The following TSPAN15 variants were observed in gnomAD, a reference collection of about 807,000 sequenced individuals.
TSPAN15 encodes tetraspanin 15.
Under a neutral mutation model 34.5 loss-of-function variants are expected in TSPAN15, and 20 were observed. That is an observed-to-expected ratio of 0.58 (90% CI 0.41 to 0.84). The LOEUF is 0.84. Ranked by LOEUF, TSPAN15 falls within the 40% of genes least tolerant of loss-of-function variation. The probability of loss-of-function intolerance (pLI) is 0.00; values close to 1 mark genes in which losing one functional copy is unlikely to be tolerated. For synonymous variants in TSPAN15, 155 were observed against 153.9 expected, an observed-to-expected ratio of 1.01 and a Z score of -0.05; for missense variants, 313 against 386.1, an observed-to-expected ratio of 0.81 and a Z score of 1.59.
chr10:69,482,817 C>T (rs1296456940), intron 1 of TSPAN15, among the ~76,000 whole-genome samples: 1 of 152,166 alleles, frequency 6.6e-6, no homozygotes, highest in Admixed American at 6.5e-5. Flanking sequence ...TCTATACTCT[C>T]CTCTAAAGTG....
At chr10:69,508,468 A>AAG (rs1554835862), downstream of TSPAN15, among the ~76,000 whole-genome samples, 37 of 139,324 alleles carry the variant, frequency 2.7e-4, no homozygotes, top group South Asian at 3.4e-3. Flanking sequence ...AAAAAAAAAA[A>AAG]AAGAAGAAGA....
intron 1 of TSPAN15, among the ~76,000 whole-genome samples, chr10:69,459,930 C>CCCA (rs1554830967): frequency 1.2e-4 from 18 of 144,200 alleles, no homozygotes; most frequent in African/African-American, 4.4e-4. Context: ...ACCCCCCCCC[C>CCCA]ACGAATGGAG....
At chr10:69,487,513 G>C (rs1841879349) in intron 3 of TSPAN15, among the ~76,000 whole-genome samples, 1 of 151,668 alleles carries the variant, frequency 6.6e-6, no homozygotes, top group African/African-American at 2.4e-5. Flanking sequence ...TGTGCAGCCA[G>C]CAGAGCTCCC....
chr10:69,467,648 A>G (rs1841414914), intron 1 of TSPAN15, among the ~76,000 whole-genome samples: 1 of 150,238 alleles, frequency 6.7e-6, no homozygotes, highest in South Asian at 2.2e-4. Context: ...ACACACACAC[A>G]CACACACACA....
chr10:69,532,775 A>G, the TSPAN15 span, among the ~76,000 whole-genome samples: 3 of 152,338 alleles, frequency 2.0e-5, no homozygotes, highest in East Asian at 1.9e-4. Flanking sequence ...TTCACAATCT[A>G]TACATCTGAC....
At chr10:69,468,030 C>T (rs1174951040) in intron 1 of TSPAN15, among the ~76,000 whole-genome samples, 2 of 152,106 alleles carry the variant, frequency 1.3e-5, no homozygotes, top group African/African-American at 4.8e-5. Context: ...CCAGCTGGTT[C>T]CTTTTGTTGT....
intron 1 of TSPAN15, among the ~76,000 whole-genome samples, chr10:69,453,352 C>T (rs1247926764): frequency 6.6e-6 from 1 of 152,080 alleles, no homozygotes; most frequent in Non-Finnish European, 1.5e-5. Flanking sequence ...AGTGTGCAGT[C>T]AGTATTGAAA....
intron 3 of TSPAN15, 107 bp from the exon 4 acceptor site, chr10:69,495,487 C>T (rs1318774070): frequency 3.8e-6 from 3 of 786,932 alleles, no homozygotes; most frequent in Non-Finnish European, 4.3e-6. Context: ...TGGGCGCGAG[C>T]TGCATTGGCA....
At chr10:69,523,565 C>G in the TSPAN15 span, 2 of 363,500 alleles carry the variant, frequency 5.5e-6, no homozygotes, top group Admixed American at 4.1e-5. Context: ...AATTGGGTGT[C>G]ATGTACCCGA....
chr10:69,496,335 T>C (rs1459941247), intron 4 of TSPAN15, among the ~76,000 whole-genome samples: 2 of 144,210 alleles, frequency 1.4e-5, no homozygotes, highest in East Asian at 2.0e-4. Flanking sequence ...ATAATAATAA[T>C]AATAATAATA....
intron 1 of TSPAN15, among the ~76,000 whole-genome samples, chr10:69,467,275 T>G (rs1473212809): frequency 6.6e-6 from 1 of 152,128 alleles, no homozygotes; most frequent in Non-Finnish European, 1.5e-5. Context: ...AGCCTGTATT[T>G]AGCTCCAAGT....
chr10:69,547,301 C>A, the TSPAN15 span, among the ~76,000 whole-genome samples: 1 of 152,082 alleles, frequency 6.6e-6, no homozygotes, highest in African/African-American at 2.4e-5. Flanking sequence ...AGGCACTTAT[C>A]TAAACACTCC....
At chr10:69,509,375 A>AT (rs1338125790), downstream of TSPAN15, among the ~76,000 whole-genome samples, 10 of 151,064 alleles carry the variant, frequency 6.6e-5, no homozygotes, top group African/African-American at 2.4e-5. Flanking sequence ...TAAATATCTT[A>AT]TTTTTTTTGA....
chr10:69,548,742 TA>T, the TSPAN15 span, among the ~76,000 whole-genome samples: 44 of 148,406 alleles, frequency 3.0e-4, no homozygotes, highest in African/African-American at 1.0e-3. Flanking sequence ...TGAAGCTAAC[TA>T]AAAAAAAAAT....
the TSPAN15 span, among the ~76,000 whole-genome samples, chr10:69,548,462 C>T: frequency 3.7e-4 from 56 of 152,210 alleles, no homozygotes; most frequent in Non-Finnish European, 4.6e-4. Context: ...CTTGACAAAA[C>T]ATATGAAATA....
At position 69,495,598 on chromosome 10, in the gene TSPAN15, T is replaced by G. The variant is rs771441216; in HGVS notation, c.362T>G (p.Ile121Ser). 5 of 1,611,712 alleles carry G rather than the reference T, an allele frequency of 3.1e-6. No homozygotes were observed. Among genetic ancestry groups the G allele is most frequent in the Non-Finnish European group, 4.2e-6 (5 of 1,177,794 alleles). The change falls in exon 4 of 8, where the codon ATT becomes AGT. Residue 121 changes from isoleucine to serine, a missense_variant. By Grantham distance (142) the Ile-to-Ser change is moderately radical. Coordinates refer to ENST00000373290, the MANE Select transcript of TSPAN15 (RefSeq NM_012339.5). ...GTAATTTCTCCTTTTGAATAGACCA[T>G]TGACTTCCTGAACGACAACATTCGA... Reference protein sequence around the residue: ...VVALTFRNQTIDFLNDNIRRG... With the variant: ...VVALTFRNQTSDFLNDNIRRG...
At chr10:69,505,442 A>G (rs1040140331) in intron 6 of TSPAN15, among the ~76,000 whole-genome samples, 1 of 152,222 alleles carries the variant, frequency 6.6e-6, no homozygotes, top group Non-Finnish European at 1.5e-5. Flanking sequence ...TGCCACTGGC[A>G]TGGTTTTTAA....
At chr10:69,528,033 G>A in the TSPAN15 span, among the ~76,000 whole-genome samples, 1,045 of 148,136 alleles carry the variant, frequency 7.1e-3, 77 homozygotes, top group African/African-American at 0.024. Flanking sequence ...AGTTTTGCTC[G>A]GGCTCACTTG....
chr10:69,516,777 T>C, the TSPAN15 span, among the ~76,000 whole-genome samples: 1 of 152,220 alleles, frequency 6.6e-6, no homozygotes, highest in African/African-American at 2.4e-5. Context: ...TGATTCGTTT[T>C]TGTATGGTCA....
Sources: allele counts gnomAD v4.1 joint callset (sites outside exome capture counted in the v4.1 genomes callset), GRCh38; gene constraint gnomAD v4.1.1; transcripts MANE v1.5; gene names NCBI Gene and HGNC (gene_info 2026-07-23, HGNC 2026-07-21).